The following RASGEF1C variants were observed in gnomAD, a reference collection of about 807,000 sequenced individuals.
RASGEF1C encodes RasGEF domain family member 1C.
In RASGEF1C, 27 loss-of-function variants were observed where a neutral mutation model predicts 58.1. That is an observed-to-expected ratio of 0.46 (90% confidence interval 0.34 to 0.64). The LOEUF (loss-of-function observed/expected upper bound fraction) is 0.64, where lower values mean the gene tolerates loss of function less well. Ranked by LOEUF, RASGEF1C falls within the 30% of genes least tolerant of loss-of-function variation. The pLI is 0.01. For synonymous variants in RASGEF1C, 243 were observed against 246.3 expected (o/e 0.99, Z 0.13); for missense variants, 502 against 605.1 (o/e 0.83, Z 1.79).
chr5:180,173,972 A>G (rs1340505636), intron 1 of RASGEF1C, among the ~76,000 whole-genome samples: 1 of 150,938 alleles, frequency 6.6e-6, no homozygotes, highest in Non-Finnish European at 1.5e-5. Context: ...GATCCATGAC[A>G]TGGAGGCTCA....
At position 180,101,364 on chromosome 5, in the gene RASGEF1C, G is replaced by GT. The variant is rs1554110443; in HGVS notation, c.*136_*137insA. The GT allele has an allele frequency of 7.9e-6, 7 of 886,122 alleles. No homozygotes were observed. The African/African-American group carries it at 8.7e-5, about 11-fold the overall frequency. 54.9% of individuals were successfully genotyped at this position (886,122 alleles called of 1,614,324 possible). A position where few individuals can be genotyped will look rare whatever the true frequency, so the allele number is the denominator to read the frequency against. On this transcript the variant is annotated 3_prime_UTR_variant, in exon 14 of 14. Transcript: ENST00000361132. ...GTATGGCCACTGTGGGGGGGGGGGGGGCGGGCAGCAGGCCACAGGGTCGGC... is the reference window on the plus strand; with the variant it reads ...GTATGGCCACTGTGGGGGGGGGGGGGTGCGGGCAGCAGGCCACAGGGTCGGC...
intron 1 of RASGEF1C, among the ~76,000 whole-genome samples, chr5:180,148,197 C>A (rs1766688346): frequency 6.6e-6 from 1 of 152,088 alleles, no homozygotes; most frequent in Non-Finnish European, 1.5e-5. Flanking sequence ...CATGGAGTAT[C>A]TTTTTCAGTC....
chr5:180,151,516 T>C (rs530179093), intron 1 of RASGEF1C, among the ~76,000 whole-genome samples: 2 of 152,188 alleles, frequency 1.3e-5, no homozygotes, highest in Non-Finnish European at 2.9e-5. Context: ...GCTAGCCATA[T>C]GTAGAAAGAT....
At chr5:180,184,770 G>A (rs967410446) in intron 1 of RASGEF1C, among the ~76,000 whole-genome samples, 7 of 152,188 alleles carry the variant, frequency 4.6e-5, no homozygotes, top group South Asian at 2.1e-4. Flanking sequence ...TATGATTATC[G>A]GAATAGATTT....
intron 4 of RASGEF1C, among the ~76,000 whole-genome samples, chr5:180,132,187 C>T (rs562888854): frequency 6.6e-6 from 1 of 152,234 alleles, no homozygotes; most frequent in Non-Finnish European, 1.5e-5. Context: ...CCTCCTGCCT[C>T]GGGCTGAAGC....
chr5:180,136,600 G>A, intron 3 of RASGEF1C, 85 bp from the exon 4 acceptor site: 1 of 1,437,474 alleles, frequency 7.0e-7, no homozygotes, highest in Non-Finnish European at 9.3e-7. Context: ...GGGTCTGGCC[G>A]CCCGGGGCAG....
intron 1 of RASGEF1C, among the ~76,000 whole-genome samples, chr5:180,202,945 A>G (rs906754158): frequency 2.6e-5 from 4 of 151,638 alleles, no homozygotes; most frequent in Non-Finnish European, 4.4e-5. Context: ...CTCGTGATGC[A>G]CCCGCCTCGG....
At chr5:180,162,672 T>C (rs970478618) in intron 1 of RASGEF1C, among the ~76,000 whole-genome samples, 1 of 152,280 alleles carries the variant, frequency 6.6e-6, no homozygotes, top group Admixed American at 6.5e-5. Flanking sequence ...TTATGTTTAT[T>C]ATTACTCACA....
Position 180,195,261 on chromosome 5 carries a change from T to G in RASGEF1C, c.-7+13767A>C, listed in dbSNP as rs551567765. Among the ~76,000 whole-genome samples, 113 of 152,172 alleles carry G rather than the reference T, an allele frequency of 7.4e-4. 1 individual carries two copies. Among genetic ancestry groups the G allele is most frequent in the Admixed American group, 1.8e-3 (28 of 15,292 alleles). ...ACACAGACATGAGCTCAGGGACACC[T>G]TGAGGGACCCTGCAGGGAGGTGCCC... On this transcript the variant is annotated intron_variant, in intron 1 of 13. Transcript: ENST00000361132.
chr5:180,116,671 C>T (rs1303349326), intron 10 of RASGEF1C, among the ~76,000 whole-genome samples: 1 of 152,260 alleles, frequency 6.6e-6, no homozygotes, highest in African/African-American at 2.4e-5. Flanking sequence ...ACCTGCCCCA[C>T]AGCCCCCGTG....
intron 1 of RASGEF1C, among the ~76,000 whole-genome samples, chr5:180,145,223 C>T (rs1766645184): frequency 2.6e-5 from 4 of 152,122 alleles, no homozygotes; most frequent in Admixed American, 2.6e-4. Flanking sequence ...CGGGTTCAAG[C>T]GATTCTCCTG....
chr5:180,136,371 T>C lies in RASGEF1C; in HGVS notation c.438+7A>G, dbSNP rs1766472823. On this transcript the variant is annotated splice_region_variant and intron_variant, in intron 4 of 13. Coordinates refer to ENST00000361132, the MANE Select transcript of RASGEF1C (RefSeq NM_175062.4). ...CAGGGTGACGCGACCCCCGCCCAGC[T>C]GCCCACCTCGTCACAGGGGGCGATG... 1.9e-6 allele frequency: 3 copies of C among 1,553,130 alleles called. No individual in the cohort carries two copies. Among genetic ancestry groups the C allele is most frequent in the Non-Finnish European group, 2.6e-6 (3 of 1,148,510 alleles).
At chr5:180,205,755 T>A (rs1009072060) in intron 1 of RASGEF1C, among the ~76,000 whole-genome samples, 1 of 151,624 alleles carries the variant, frequency 6.6e-6, no homozygotes, top group African/African-American at 2.4e-5. Flanking sequence ...TGAGACAGAG[T>A]CTCACTCTGT....
intron 13 of RASGEF1C, 84 bp from the exon 14 acceptor site, chr5:180,101,609 CAG>C (rs1225727869): frequency 1.9e-6 from 3 of 1,544,912 alleles, no homozygotes; most frequent in Non-Finnish European, 1.8e-6. Flanking sequence ...GCCACTTTCT[CAG>C]TGCGCTGAGG....
At chr5:180,173,568 A>C (rs919846769) in intron 1 of RASGEF1C, among the ~76,000 whole-genome samples, 3 of 152,248 alleles carry the variant, frequency 2.0e-5, no homozygotes, top group African/African-American at 7.2e-5. Context: ...GAATTGAAAG[A>C]GAAAAGAATT....
intron 1 of RASGEF1C, among the ~76,000 whole-genome samples, chr5:180,157,802 G>T (rs1411378139): frequency 6.6e-6 from 1 of 152,164 alleles, no homozygotes; most frequent in African/African-American, 2.4e-5. Flanking sequence ...TGGTTTCCAG[G>T]TTTAGTGGGG....
Position 180,177,471 on chromosome 5 carries a change from G to A in RASGEF1C, c.-7+31557C>T, listed in dbSNP as rs767309279. Among the ~76,000 whole-genome samples the A allele has an allele frequency of 6.6e-6, 1 of 152,228 alleles. No individual in the cohort carries two copies. The highest frequency in any genetic ancestry group is 1.5e-5 in the Non-Finnish European group (1 of 68,040). Reference sequence around the variant, plus strand: ...GTCCACGGGCAGGGCAGAGCCCCGGGCTTCCTTCCGGGACCCCTGCCAAGG... The same window carrying A: ...GTCCACGGGCAGGGCAGAGCCCCGGACTTCCTTCCGGGACCCCTGCCAAGG... On this transcript the variant is annotated intron_variant, in intron 1 of 13. Coordinates refer to ENST00000361132, the MANE Select transcript of RASGEF1C (RefSeq NM_175062.4). The surrounding 1 kb of genome is among the most constrained non-coding windows in gnomAD (Gnocchi z 5.0).
Position 180,114,552 on chromosome 5 carries a change from G to C in RASGEF1C, c.1084-11C>G. Reference sequence around the variant, plus strand: ...GAAAGGAATGACAATCTGGAAGAAAGAGGGGGCAGGTCGGCCCCAGCCGGC... The same window carrying C: ...GAAAGGAATGACAATCTGGAAGAAACAGGGGGCAGGTCGGCCCCAGCCGGC... On this transcript the variant is annotated splice_polypyrimidine_tract_variant and intron_variant, in intron 10 of 13. Transcript: ENST00000361132. The C allele has an allele frequency of 6.2e-7, 1 of 1,606,572 alleles. No homozygotes were observed. The highest frequency in any genetic ancestry group is 1.7e-5 in the Admixed American group (1 of 59,610).
chr5:180,139,859 C>A (rs1426049939), intron 1 of RASGEF1C, among the ~76,000 whole-genome samples: 1 of 152,142 alleles, frequency 6.6e-6, no homozygotes, highest in African/African-American at 2.4e-5. Flanking sequence ...AACCTGTGAG[C>A]CTGGGAGGTC....
Sources: gnomAD v4.1 joint callset for allele counts (sites outside exome capture counted in the v4.1 genomes callset) on GRCh38, gnomAD v4.1.1 for gene constraint, Gnocchi (gnomAD v3.1) non-coding constraint, MANE v1.5 for transcripts, NCBI Gene and HGNC (gene_info 2026-07-23, HGNC 2026-07-21) for gene names.